MAN2A1: variants seen among roughly 807,000 people sequenced by gnomAD.
MAN2A1 encodes alpha-mannosidase 2.
MAN2A1 carries 76 observed loss-of-function variants against 142.6 expected under a neutral mutation model. The observed-to-expected ratio is 0.53, with a 90% CI of 0.44 to 0.65. The LOEUF (loss-of-function observed/expected upper bound fraction) is 0.65, where lower values mean the gene tolerates loss of function less well. Among genes scored for constraint, MAN2A1 ranks in the 30% least tolerant of loss-of-function variants. MAN2A1 has a pLI of 0.00. For synonymous variants in MAN2A1, 559 were observed against 473.2 expected (o/e 1.18, Z -2.35); for missense variants, 1,311 against 1,365.1 (o/e 0.96, Z 0.62).
At chr5:109,797,744 C>T (rs1753901738) in intron 12 of MAN2A1, among the ~76,000 whole-genome samples, 1 of 152,052 alleles carries the variant, frequency 6.6e-6, no homozygotes, top group Non-Finnish European at 1.5e-5. Flanking sequence ...ACCCCGAGTA[C>T]ACCATGGTAA....
intron 3 of MAN2A1, among the ~76,000 whole-genome samples, chr5:109,720,952 G>T (rs1353236118): frequency 2.0e-5 from 3 of 152,168 alleles, no homozygotes; most frequent in Non-Finnish European, 4.4e-5. Flanking sequence ...GTTTGATTTT[G>T]GCTGCCATGA....
intron 8 of MAN2A1, among the ~76,000 whole-genome samples, chr5:109,775,544 C>T (rs1229120263): frequency 6.6e-6 from 1 of 151,212 alleles, no homozygotes; most frequent in Non-Finnish European, 1.5e-5. Flanking sequence ...AAAAATTGTT[C>T]CCCTTCTCCC....
chr5:109,694,168 G>A lies in MAN2A1; in HGVS notation c.135+3616G>A, dbSNP rs530425414. On this transcript the variant is annotated intron_variant, in intron 1 of 21. Transcript: ENST00000261483. ...TAAGTAATTAGTGTAGCATATGACC[G>A]TAGAGATTAATATTAACTCTTAAAA... Among the ~76,000 whole-genome samples the A allele has an allele frequency of 7.9e-5, 12 of 152,306 alleles. No individual in the cohort carries two copies. In the South Asian group the frequency reaches 2.1e-3, roughly 26 times the overall value.
chr5:109,690,686 T>G (rs1359064337), intron 1 of MAN2A1, 134 bp downstream of exon 1: 8 of 1,010,586 alleles, frequency 7.9e-6, no homozygotes, highest in Non-Finnish European at 8.6e-6. Context: ...GCTCTGTAGC[T>G]CTCGGACGGC....
At chr5:109,771,803 G>A (rs1016165217) in intron 7 of MAN2A1, among the ~76,000 whole-genome samples, 52 of 152,162 alleles carry the variant, frequency 3.4e-4, no homozygotes, top group Admixed American at 3.3e-3. Context: ...AGGTGACCAG[G>A]GATGGGGAAG....
chr5:109,767,374 G>A (rs1753020194), intron 5 of MAN2A1, among the ~76,000 whole-genome samples, 161 bp from the exon 6 acceptor site: 1 of 152,174 alleles, frequency 6.6e-6, no homozygotes, highest in Non-Finnish European at 1.5e-5. Flanking sequence ...CTCCCTTCAT[G>A]ATATCTTGCT....
intron 5 of MAN2A1, among the ~76,000 whole-genome samples, chr5:109,758,414 G>A (rs1166365028): frequency 1.3e-5 from 2 of 151,362 alleles, no homozygotes; most frequent in Admixed American, 6.6e-5. Context: ...TTTATATATT[G>A]TGGTTAAAAG....
At chr5:109,804,468 G>A (rs1374685244) in intron 12 of MAN2A1, among the ~76,000 whole-genome samples, 2 of 152,030 alleles carry the variant, frequency 1.3e-5, no homozygotes, top group African/African-American at 2.4e-5. Context: ...AATATTACAG[G>A]TAGTTGGTTG....
chr5:109,846,141 C>A lies in MAN2A1; in HGVS notation c.2842+135C>A, dbSNP rs1340458315. The A allele has an allele frequency of 1.4e-5, 10 of 720,342 alleles. No individual in the cohort carries two copies. In the East Asian group the frequency reaches 3.0e-4, roughly 22 times the overall value. The allele number at this position is 720,342 out of a possible 1,614,324, so 44.6% of individuals were successfully genotyped here. On this transcript the variant is annotated intron_variant, in intron 18 of 21. Coordinates refer to ENST00000261483, the MANE Select transcript of MAN2A1 (RefSeq NM_002372.4). The stretch of plus-strand genomic sequence containing the variant: ...TTTTCAGCTTTTTTCTTTCAACAAC[C>A]AGACTATTAGTTAAGTTTGGGTTTT...
intron 8 of MAN2A1, among the ~76,000 whole-genome samples, chr5:109,778,663 G>A (rs1293286951): frequency 6.6e-6 from 1 of 151,896 alleles, no homozygotes; most frequent in Non-Finnish European, 1.5e-5. Flanking sequence ...TAGAGTATAG[G>A]GTCCACCTTA....
At chr5:109,821,343 G>A (rs1053096737) in intron 15 of MAN2A1, among the ~76,000 whole-genome samples, 1 of 151,836 alleles carries the variant, frequency 6.6e-6, no homozygotes, top group African/African-American at 2.4e-5. Context: ...TTTTTCTCCC[G>A]ATTCTTCACT....
At chr5:109,817,670 T>C (rs186352210) in intron 13 of MAN2A1, among the ~76,000 whole-genome samples, 60 of 152,350 alleles carry the variant, frequency 3.9e-4, no homozygotes, top group African/African-American at 1.3e-3. Context: ...TATCTTATTA[T>C]ATGTTGTTCA....
chr5:109,740,654 A>G (rs746379492), intron 4 of MAN2A1, among the ~76,000 whole-genome samples: 8 of 152,186 alleles, frequency 5.3e-5, no homozygotes, highest in Non-Finnish European at 1.0e-4. Context: ...TGTGATTAGT[A>G]TCTGTCCCAA....
intron 8 of MAN2A1, among the ~76,000 whole-genome samples, chr5:109,779,592 C>G (rs1440044814): frequency 6.6e-6 from 1 of 152,028 alleles, no homozygotes; most frequent in African/African-American, 2.4e-5. Flanking sequence ...CAAACACACA[C>G]AGTCTTCTTC....
chr5:109,840,221 A>G (rs1755164918), intron 16 of MAN2A1: 3 of 217,118 alleles, frequency 1.4e-5, no homozygotes, highest in Non-Finnish European at 2.8e-5. Context: ...TCATTTCTTG[A>G]CTTCTATAGG....
intron 3 of MAN2A1, among the ~76,000 whole-genome samples, chr5:109,720,463 A>G (rs1278073176): frequency 6.6e-6 from 1 of 152,236 alleles, no homozygotes; most frequent in Non-Finnish European, 1.5e-5. Flanking sequence ...TTGTAAAAAA[A>G]GAATAAAAAC....
intron 1 of MAN2A1, among the ~76,000 whole-genome samples, chr5:109,707,893 T>G (rs768643560): frequency 9.2e-5 from 14 of 152,128 alleles, no homozygotes; most frequent in Non-Finnish European, 1.6e-4. Flanking sequence ...TTGAGGAGGA[T>G]GATTTTTGGA....
chr5:109,722,680 T>A (rs554252780), intron 3 of MAN2A1, among the ~76,000 whole-genome samples: 14 of 152,268 alleles, frequency 9.2e-5, no homozygotes, highest in African/African-American at 3.4e-4. Context: ...CCTCCCAAAG[T>A]GCTGGGATTA....
chr5:109,710,952 A>G (rs1751284382), intron 1 of MAN2A1, among the ~76,000 whole-genome samples: 1 of 152,132 alleles, frequency 6.6e-6, no homozygotes, highest in African/African-American at 2.4e-5. Flanking sequence ...GGACTCCCAA[A>G]GTGCTGGGAT....
Sources: gnomAD v4.1 joint callset for allele counts (sites outside exome capture counted in the v4.1 genomes callset) on GRCh38, gnomAD v4.1.1 for gene constraint, MANE v1.5 for transcripts, NCBI Gene and HGNC (gene_info 2026-07-23, HGNC 2026-07-21) for gene names.